DPY19L4: variants seen among roughly 807,000 people sequenced by gnomAD.
DPY19L4 encodes the protein dpy-19 like 4, also known as probable C-mannosyltransferase DPY19L4.
In DPY19L4, 97 loss-of-function variants were observed where a neutral mutation model predicts 102.8. The observed-to-expected ratio is 0.94, with a 90% CI of 0.80 to 1.12. The LOEUF is 1.12. Among genes scored for constraint, DPY19L4 ranks in the 50% most tolerant of loss-of-function variants. The pLI is 0.00. For missense variants in DPY19L4, 815 were observed against 850.4 expected (o/e 0.96, Z 0.52); for synonymous variants, 252 against 283.1 (o/e 0.89, Z 1.10).
At chr8:94,774,026 C>T (rs1430700595) in intron 13 of DPY19L4, among the ~76,000 whole-genome samples, 1 of 119,254 alleles carries the variant, frequency 8.4e-6, no homozygotes, top group Non-Finnish European at 1.6e-5. Flanking sequence ...CAGAGTGAGG[C>T]TGTGTCTTTA....
chr8:94,748,878 A>G (rs1811795237), intron 6 of DPY19L4, among the ~76,000 whole-genome samples: 1 of 151,750 alleles, frequency 6.6e-6, no homozygotes, highest in Non-Finnish European at 1.5e-5. Context: ...CATCTCCCCA[A>G]CTCCCCTGTA....
At chr8:94,776,097 A>G (rs1045869635) in intron 13 of DPY19L4, among the ~76,000 whole-genome samples, 18 of 143,224 alleles carry the variant, frequency 1.3e-4, no homozygotes, top group East Asian at 1.2e-3. Context: ...CAATGGCACA[A>G]TCTTGGCTCA....
At chr8:94,788,200 A>G (rs1303122798) in intron 18 of DPY19L4, 148 bp downstream of exon 18, 1 of 390,702 alleles carries the variant, frequency 2.6e-6, no homozygotes, top group African/African-American at 2.2e-5. Context: ...AAAGCTTCTT[A>G]AAAGTAGTTT....
At chr8:94,729,226 G>T (rs1364040844) in intron 2 of DPY19L4, among the ~76,000 whole-genome samples, 1 of 151,912 alleles carries the variant, frequency 6.6e-6, no homozygotes, top group Non-Finnish European at 1.5e-5. Context: ...CAAAAAATTA[G>T]CTGGGCATGG....
At chr8:94,729,197 C>T (rs1163023193) in intron 2 of DPY19L4, among the ~76,000 whole-genome samples, 2 of 151,770 alleles carry the variant, frequency 1.3e-5, no homozygotes, top group Non-Finnish European at 2.9e-5. Flanking sequence ...GGTGAAATCC[C>T]GTCTCTACTA....
rs1023107133 is a variant in DPY19L4 at position 94,791,357 on chromosome 8, A to G, written c.*1447A>G. On this transcript the variant is annotated 3_prime_UTR_variant, in exon 19 of 19. Coordinates refer to ENST00000414645, the MANE Select transcript of DPY19L4 (RefSeq NM_181787.3). ...TACATGCATTCTTAGACTAACTCTC[A>G]GATGCTTTGCTCTTTTGGAGCTGAA... 11 of 152,314 alleles carry G rather than the reference A, an allele frequency of 7.2e-5. No individual in the cohort carries two copies. The East Asian group carries it at 2.1e-3, about 29-fold the overall frequency. 9.4% of individuals were successfully genotyped at this position (152,314 alleles called of 1,614,324 possible).
intron 6 of DPY19L4, 25 bp downstream of exon 6, chr8:94,739,815 T>C (rs1363585514): frequency 6.2e-7 from 1 of 1,608,836 alleles, no homozygotes; most frequent in Non-Finnish European, 8.5e-7. Flanking sequence ...TTAATTGATT[T>C]TTAAAAACTT....
intron 1 of DPY19L4, among the ~76,000 whole-genome samples, chr8:94,725,711 C>T (rs963862968): frequency 6.6e-6 from 1 of 152,162 alleles, no homozygotes; most frequent in Non-Finnish European, 1.5e-5. Context: ...TCTCGGCTCA[C>T]TGCAAGCTCC....
intron 17 of DPY19L4, among the ~76,000 whole-genome samples, chr8:94,787,026 C>T (rs1269717444): frequency 6.6e-6 from 1 of 152,142 alleles, no homozygotes; most frequent in Non-Finnish European, 1.5e-5. Flanking sequence ...GTTCTACGAG[C>T]ATCTTGTGGG....
chr8:94,779,583 C>T (rs1813341758), intron 14 of DPY19L4, among the ~76,000 whole-genome samples: 6 of 152,048 alleles, frequency 3.9e-5, no homozygotes, highest in African/African-American at 1.4e-4. Context: ...CCCACCTTGG[C>T]CCCCAAGTTC....
Position 94,734,770 on chromosome 8 carries a change from T to C in DPY19L4, c.252+16T>C. On this transcript the variant is annotated intron_variant, in intron 3 of 18. Coordinates refer to ENST00000414645, the MANE Select transcript of DPY19L4 (RefSeq NM_181787.3). ...CAACAGGCAGGTAAGAAGAAAGAAT[T>C]TTGAGCATATGAAAGTTATTTTCCC... 1 of 1,613,088 alleles carries C rather than the reference T, an allele frequency of 6.2e-7. No homozygotes were observed. The highest frequency in any genetic ancestry group is 8.5e-7 in the Non-Finnish European group (1 of 1,179,764).
intron 7 of DPY19L4, among the ~76,000 whole-genome samples, chr8:94,756,478 C>T (rs1316284593): frequency 6.6e-6 from 1 of 152,086 alleles, no homozygotes; most frequent in African/African-American, 2.4e-5. Flanking sequence ...ACATTGATGG[C>T]CTTCAATCAC....
intron 2 of DPY19L4, among the ~76,000 whole-genome samples, chr8:94,729,481 C>T (rs1810841518): frequency 6.6e-6 from 1 of 150,520 alleles, no homozygotes; most frequent in African/African-American, 2.5e-5. Flanking sequence ...CCCCTGTAGT[C>T]CCAGCTACTT....
At chr8:94,766,974 G>A (rs1020723075) in intron 11 of DPY19L4, among the ~76,000 whole-genome samples, 1 of 151,818 alleles carries the variant, frequency 6.6e-6, no homozygotes, top group East Asian at 1.9e-4. Flanking sequence ...GGAAGCTGAG[G>A]TGGGAGGACC....
At position 94,730,484 on chromosome 8, in the gene DPY19L4, G is replaced by T. The variant is rs960548843; in HGVS notation, c.127+4043G>T. On this transcript the variant is annotated intron_variant, in intron 2 of 18. Transcript: ENST00000414645. ...AGTAATGCTGGGCGTGGTGGCTCGT[G>T]CCTGTAATCCCAGCACTTTGGGAGG... Among the ~76,000 whole-genome samples, 4 of 151,946 alleles carry T rather than the reference G, an allele frequency of 2.6e-5. No homozygotes were observed. The East Asian group carries it at 7.8e-4, about 30-fold the overall frequency.
intron 13 of DPY19L4, 128 bp downstream of exon 13, chr8:94,770,699 A>AC: frequency 2.6e-6 from 3 of 1,176,418 alleles, no homozygotes. Flanking sequence ...GGAGTTTGAG[A>AC]CAGTGTGACT....
chr8:94,782,125 G>C (rs1813457247), intron 16 of DPY19L4, among the ~76,000 whole-genome samples: 1 of 152,162 alleles, frequency 6.6e-6, no homozygotes, highest in Non-Finnish European at 1.5e-5. Flanking sequence ...ACAAAACTTA[G>C]TGGCTTACAA....
chr8:94,748,623 T>C (rs1056814894), intron 6 of DPY19L4, among the ~76,000 whole-genome samples: 7 of 144,212 alleles, frequency 4.9e-5, no homozygotes, highest in Non-Finnish European at 1.1e-4. Context: ...GCAGTGACAA[T>C]GATGATGATG....
rs1813874999 is a variant in DPY19L4, at chr8:94,791,256, G to A, written c.*1346G>A. 1 of 152,094 alleles carries A rather than the reference G, an allele frequency of 6.6e-6. No individual in the cohort carries two copies. The highest frequency in any genetic ancestry group is 2.4e-5 in the African/African-American group (1 of 41,430). The allele number at this position is 152,094 out of a possible 1,614,324, so 9.4% of individuals were successfully genotyped here. A position where few individuals can be genotyped will look rare whatever the true frequency, so the allele number is the denominator to read the frequency against. On this transcript the variant is annotated 3_prime_UTR_variant, in exon 19 of 19. Coordinates refer to ENST00000414645, the MANE Select transcript of DPY19L4 (RefSeq NM_181787.3). ...ATTGTCTTTATTTTCTGTTATATAT[G>A]TGTTGTAAAAGTACACTACATTAGA... is the stretch of plus-strand genomic sequence containing the variant.
Sources: gnomAD v4.1 joint callset for allele counts (sites outside exome capture counted in the v4.1 genomes callset) on GRCh38, gnomAD v4.1.1 for gene constraint, MANE v1.5 for transcripts, NCBI Gene and HGNC (gene_info 2026-07-23, HGNC 2026-07-21) for gene names.